CDC42BPA: variants seen among roughly 807,000 people sequenced by gnomAD.
The protein encoded by CDC42BPA is serine/threonine-protein kinase MRCK alpha.
CDC42BPA carries 80 observed loss-of-function variants against 223.5 expected under a neutral mutation model. The ratio of observed to expected loss-of-function variants is 0.36; its 90% CI spans 0.30 to 0.43. CDC42BPA has a LOEUF of 0.43. CDC42BPA is among the 20% of genes least tolerant of loss of function. The pLI, the probability that CDC42BPA is intolerant of heterozygous loss-of-function variation, is 1.00. For missense variants in CDC42BPA, 1,743 were observed against 2,099.9 expected, an observed-to-expected ratio of 0.83 and a Z score of 3.32; for synonymous variants, 694 against 718.6, an observed-to-expected ratio of 0.97 and a Z score of 0.55.
At chr1:227,254,277 T>G in intron 1 of CDC42BPA, 122 bp from the exon 2 acceptor site, 1 of 561,350 alleles carries the variant, frequency 1.8e-6, no homozygotes, top group Non-Finnish European at 3.1e-6. Context: ...GTCAAAATAT[T>G]TAAAAATCCC....
chr1:227,222,226 T>C (rs114743802), intron 2 of CDC42BPA, among the ~76,000 whole-genome samples: 3,153 of 147,092 alleles, frequency 0.021, 125 homozygotes, highest in African/African-American at 0.075. Flanking sequence ...TTTAAAAAAA[T>C]AGCTGGGCAC....
At chr1:227,158,647 A>C (rs1394416732) in intron 6 of CDC42BPA, among the ~76,000 whole-genome samples, 1 of 152,112 alleles carries the variant, frequency 6.6e-6, no homozygotes, top group Non-Finnish European at 1.5e-5. Context: ...GTTGTTAGAG[A>C]GTAGGTCTTA....
intron 15 of CDC42BPA, among the ~76,000 whole-genome samples, chr1:227,093,293 C>T (rs1683414729): frequency 6.6e-6 from 1 of 152,192 alleles, no homozygotes; most frequent in African/African-American, 2.4e-5. Context: ...TGCATCCCAT[C>T]AGAAGGTGCA....
intron 23 of CDC42BPA, among the ~76,000 whole-genome samples, chr1:227,045,690 T>G (rs895411511): frequency 1.3e-5 from 2 of 152,256 alleles, no homozygotes; most frequent in East Asian, 3.9e-4. Context: ...GTGACTCATC[T>G]ACTGAATTTA....
intron 22 of CDC42BPA, among the ~76,000 whole-genome samples, chr1:227,048,339 C>G (rs997323878): frequency 6.6e-6 from 1 of 151,944 alleles, no homozygotes; most frequent in Non-Finnish European, 1.5e-5. Flanking sequence ...TTAATTTTTA[C>G]ATTCATCTGA....
intron 34 of CDC42BPA, among the ~76,000 whole-genome samples, chr1:227,006,989 CA>C (rs1217258025): frequency 8.6e-5 from 13 of 150,500 alleles, no homozygotes; most frequent in Non-Finnish European, 1.3e-4. Context: ...ACAACAACAA[CA>C]ACCCCCCAGC....
intron 17 of CDC42BPA, among the ~76,000 whole-genome samples, chr1:227,076,195 T>C (rs1371744626): frequency 2.0e-5 from 3 of 152,126 alleles, no homozygotes; most frequent in African/African-American, 7.2e-5. Context: ...TTGCTATTTG[T>C]CTATTTTTCC....
chr1:227,148,772 CAAAAAAAAAAAA>C (rs57635319), intron 6 of CDC42BPA, among the ~76,000 whole-genome samples: 2 of 78,786 alleles, frequency 2.5e-5, no homozygotes, highest in Non-Finnish European at 2.2e-5. Flanking sequence ...GTCTCAAAAG[CAAAAAAAAAAAA>C]AAAAAAAAAA....
intron 5 of CDC42BPA, among the ~76,000 whole-genome samples, chr1:227,172,958 G>C (rs1666350628): frequency 6.6e-6 from 1 of 152,208 alleles, no homozygotes; most frequent in Middle Eastern, 3.4e-3. Flanking sequence ...ATACTCACTG[G>C]GAGATTCAGT....
intron 34 of CDC42BPA, among the ~76,000 whole-genome samples, chr1:227,009,575 ATTTTTT>A (rs1267951084): frequency 6.6e-6 from 1 of 151,674 alleles, no homozygotes; most frequent in Non-Finnish European, 1.5e-5. Flanking sequence ...CATCCAACTA[ATTTTTT>A]TATTTTTATT....
intron 6 of CDC42BPA, 42 bp downstream of exon 6, chr1:227,160,501 A>G: frequency 8.5e-7 from 1 of 1,177,158 alleles, no homozygotes. Context: ...TAGCAAGGGA[A>G]ATGTCTGTGA....
chr1:227,170,408 T>C (rs1371676220), intron 5 of CDC42BPA, among the ~76,000 whole-genome samples: 1 of 148,938 alleles, frequency 6.7e-6, no homozygotes, highest in African/African-American at 2.5e-5. Context: ...ATAGAGAAGA[T>C]ACAATTAGGT....
In CDC42BPA at chr1:227,317,443, CAATT is replaced by C; in HGVS notation, c.-265_-262del. ...TACTTAATGCATTTTTAAAAGAATA[CAATT>C]AAGTCGTATATTTAAATAAAATAAT... On this transcript the variant is annotated 5_prime_UTR_variant, in exon 1 of 37. Transcript: ENST00000366766. The C allele has an allele frequency of 2.6e-6, 1 of 382,102 alleles. No individual in the cohort carries two copies. The highest frequency in any genetic ancestry group is 4.6e-6 in the Non-Finnish European group (1 of 218,776). 23.7% of individuals were successfully genotyped at this position (382,102 alleles called of 1,614,324 possible).
chr1:227,108,019 C>T (rs985959055), intron 14 of CDC42BPA, among the ~76,000 whole-genome samples: 1 of 151,952 alleles, frequency 6.6e-6, no homozygotes, highest in Non-Finnish European at 1.5e-5. Context: ...TAAAGGCTGT[C>T]AATTTTGTTG....
intron 32 of CDC42BPA, among the ~76,000 whole-genome samples, chr1:227,017,815 A>G (rs1666588506): frequency 1.3e-5 from 2 of 152,110 alleles, no homozygotes; most frequent in Non-Finnish European, 2.9e-5. Context: ...ATAACACAAC[A>G]AATGGTGTCA....
intron 31 of CDC42BPA, among the ~76,000 whole-genome samples, chr1:227,025,354 G>A (rs1327064286): frequency 6.6e-6 from 1 of 152,156 alleles, no homozygotes; most frequent in Non-Finnish European, 1.5e-5. Context: ...ATTTACAAGA[G>A]CTTTTTAAAC....
At chr1:227,067,668 C>G (rs2149024550) in intron 21 of CDC42BPA, among the ~76,000 whole-genome samples, 1 of 152,142 alleles carries the variant, frequency 6.6e-6, no homozygotes, top group East Asian at 1.9e-4. Flanking sequence ...AATGTGCAAA[C>G]TTCAGTATAA....
chr1:227,301,980 A>T (rs1691711565), intron 1 of CDC42BPA, among the ~76,000 whole-genome samples: 1 of 152,084 alleles, frequency 6.6e-6, no homozygotes. Flanking sequence ...AACCCTCCCC[A>T]GATTTTCTAA....
At chr1:227,133,145 C>T (rs1571873858) in intron 10 of CDC42BPA, among the ~76,000 whole-genome samples, 1 of 150,930 alleles carries the variant, frequency 6.6e-6, no homozygotes, top group African/African-American at 2.4e-5. Flanking sequence ...GGCACCTCTG[C>T]CCGGCCACCC....
Sources: allele counts gnomAD v4.1 joint callset (sites outside exome capture counted in the v4.1 genomes callset), GRCh38; gene constraint gnomAD v4.1.1; transcripts MANE v1.5; gene names NCBI Gene and HGNC (gene_info 2026-07-23, HGNC 2026-07-21).